The following MASP2 variants were observed in gnomAD, a reference collection of about 807,000 sequenced individuals.
The protein encoded by MASP2 is MBL associated serine protease 2, also known as mannan-binding lectin serine protease 2.
Under a neutral mutation model 57.1 loss-of-function variants are expected in MASP2, and 49 were observed. The ratio of observed to expected loss-of-function variants is 0.86; its 90% CI spans 0.68 to 1.09. MASP2 has a LOEUF of 1.09. Among genes scored for constraint, MASP2 ranks in the 50% least tolerant of loss-of-function variants. The pLI is 0.00. For synonymous variants in MASP2, 379 were observed against 340.8 expected, an observed-to-expected ratio of 1.11 and a Z score of -1.24; for missense variants, 900 against 874.8, an observed-to-expected ratio of 1.03 and a Z score of -0.36.
chr1:11,045,123 C>G, intron 4 of MASP2: 1 of 748,074 alleles, frequency 1.3e-6, no homozygotes, highest in South Asian at 1.6e-5. Context: ...CTAGATACCC[C>G]CGACTCTCCC....
At position 11,027,654 on chromosome 1, in the gene MASP2, G is replaced by T; in HGVS notation, c.1298-6C>A. The T allele has an allele frequency of 6.3e-7, 1 of 1,589,914 alleles. No homozygotes were observed. Among genetic ancestry groups the T allele is most frequent in the African/African-American group, 1.4e-5 (1 of 73,922 alleles). ...GCGGGCTGATAGTCCACAAACTGGA[G>T]AAAGAAGCAGATAGGTAGAGAGCCT... On this transcript the variant is annotated splice_region_variant and splice_polypyrimidine_tract_variant and intron_variant, in intron 10 of 10. Transcript: ENST00000400897.
intron 8 of MASP2, 89 bp downstream of exon 8, chr1:11,034,739 G>T: frequency 1.6e-5 from 13 of 800,494 alleles, no homozygotes; most frequent in South Asian, 4.3e-5. Flanking sequence ...AAAGTAAACA[G>T]AAAACCAGAG....
intron 8 of MASP2, 55 bp from the exon 9 acceptor site, chr1:11,030,937 C>A: frequency 6.3e-7 from 1 of 1,579,390 alleles, no homozygotes; most frequent in Non-Finnish European, 8.6e-7. Context: ...TGCTAACTTT[C>A]CAAAGGTCTG....
chr1:11,040,880 G>GGGTA (rs200315085), intron 6 of MASP2, among the ~76,000 whole-genome samples: 2 of 151,404 alleles, frequency 1.3e-5, no homozygotes, highest in African/African-American at 2.4e-5. Flanking sequence ...ATGGATGGAT[G>GGGTA]GGTAGGTAGG....
At chr1:11,035,485 A>C (rs541055813) in intron 7 of MASP2, among the ~76,000 whole-genome samples, 12 of 152,090 alleles carry the variant, frequency 7.9e-5, no homozygotes, top group Admixed American at 4.6e-4. Context: ...CGATATTGCA[A>C]CACTGCACTC....
Position 11,026,675 on chromosome 1 carries a change from G to T in MASP2, c.*210C>A. 2.6e-6 allele frequency: 1 copy of T among 389,062 alleles called. No homozygotes were observed. Among genetic ancestry groups the T allele is most frequent in the East Asian group, 3.8e-5 (1 of 26,298 alleles). The allele number at this position is 389,062 out of a possible 1,614,324, so 24.1% of individuals were successfully genotyped here. A position where few individuals can be genotyped will look rare whatever the true frequency, so the allele number is the denominator to read the frequency against. On this transcript the variant is annotated 3_prime_UTR_variant, in exon 11 of 11. Coordinates refer to ENST00000400897, the MANE Select transcript of MASP2 (RefSeq NM_006610.4). ...GTGGGCAAAGATGACTGTCACTCTC[G>T]TGGTTTATGTCCCCTTGAGTCAATG...
At chr1:11,034,421 G>A (rs762400964) in intron 8 of MASP2, among the ~76,000 whole-genome samples, 2 of 150,990 alleles carry the variant, frequency 1.3e-5, no homozygotes, top group South Asian at 4.2e-4. Context: ...CAAGGATCCG[G>A]GCACAGTGGC....
rs776506794 is a variant in MASP2, at chr1:11,030,205, C to T, written c.1268G>A (p.Gly423Glu). ...EADGFWTSSK[G>E]EKSLPVCEPV... ...CTCACAGACTGGGAGTGATTTTTCT[C>T]CTTTGGAGCTCGTCCAGAATCCATC... The change falls in exon 10 of 11, where the codon GGA becomes GAA. Residue 423 changes from glycine to glutamate, a missense_variant. Coordinates refer to ENST00000400897, the MANE Select transcript of MASP2 (RefSeq NM_006610.4). 1.9e-5 allele frequency: 31 copies of T among 1,613,174 alleles called. No individual in the cohort carries two copies. The highest frequency in any genetic ancestry group is 2.5e-5 in the Non-Finnish European group (29 of 1,179,690).
At position 11,042,665 on chromosome 1, in the gene MASP2, G is replaced by A. The variant is rs2100900650; in HGVS notation, c.889+210C>T. Reference sequence around the variant, plus strand: ...TGAATGGGTGGTTGGAAGAATGAGTGGTGGAAGGATGGCTGGGTGGCTGGC... The same window carrying A: ...TGAATGGGTGGTTGGAAGAATGAGTAGTGGAAGGATGGCTGGGTGGCTGGC... On this transcript the variant is annotated intron_variant, in intron 6 of 10. Transcript: ENST00000400897. 2.6e-5 allele frequency among the ~76,000 whole-genome samples: 4 copies of A among 152,156 alleles called. No homozygotes were observed. In the South Asian group the frequency reaches 8.3e-4, roughly 32 times the overall value.
chr1:11,029,001 CTT>C (rs1177051448), intron 10 of MASP2, among the ~76,000 whole-genome samples: 1 of 129,990 alleles, frequency 7.7e-6, no homozygotes, highest in Admixed American at 7.7e-5. Flanking sequence ...TTCTTTTTCT[CTT>C]TTTTTTTGAG....
intron 10 of MASP2, among the ~76,000 whole-genome samples, chr1:11,028,701 T>G (rs1449547827): frequency 1.1e-3 from 55 of 50,890 alleles, no homozygotes; most frequent in African/African-American, 3.4e-3. Flanking sequence ...TTCTGGGTTT[T>G]TTTTCTTTTT....
At chr1:11,036,571 C>T (rs1369303629) in intron 7 of MASP2, among the ~76,000 whole-genome samples, 2 of 145,006 alleles carry the variant, frequency 1.4e-5, no homozygotes, top group Admixed American at 6.8e-5. Context: ...GTCTGTGGTC[C>T]GAGGAGCTGT....
In MASP2 at chr1:11,047,006, G is replaced by T. The variant is rs866226890; in HGVS notation, c.119C>A (p.Ala40Asp). 1.1e-5 allele frequency: 17 copies of T among 1,553,444 alleles called. No homozygotes were observed. The highest frequency in any genetic ancestry group is 1.5e-5 in the Non-Finnish European group (17 of 1,148,252). ...LASPGFPGEY[A>D]NDQERRWTLT... ...GGTCCAGCGCCGCTCCTGGTCATTG[G>T]CATACTCCCCTGGAAAGCCGGGGGA... Residue 40 changes from alanine to aspartate, a missense_variant, in exon 2 of 11, where the codon GCC (alanine) becomes GAC (aspartate). Transcript: ENST00000400897.
At chr1:11,028,813 A>G (rs1206095395) in intron 10 of MASP2, among the ~76,000 whole-genome samples, 2 of 148,748 alleles carry the variant, frequency 1.3e-5, no homozygotes, top group East Asian at 3.9e-4. Flanking sequence ...TCCCAGGTTC[A>G]TGCCATTCTC....
intron 6 of MASP2, among the ~76,000 whole-genome samples, chr1:11,042,480 A>AG (rs1273994170): frequency 2.7e-5 from 4 of 149,856 alleles, no homozygotes; most frequent in African/African-American, 9.9e-5. Context: ...ATGGCTGAAT[A>AG]GAAGGATGGA....
chr1:11,026,835 C>G lies in MASP2; in HGVS notation c.*50G>C, dbSNP rs1570731191. On this transcript the variant is annotated 3_prime_UTR_variant, in exon 11 of 11. Transcript: ENST00000400897. ...TCTCGAGCCACGTCGCTGCCAAGGT[C>G]TTCACAGGCATTTCTAAAAATGAAG... 4 of 1,437,996 alleles carry G rather than the reference C, an allele frequency of 2.8e-6. No individual in the cohort carries two copies. The East Asian group carries it at 1.0e-4, about 36-fold the overall frequency. The allele number at this position is 1,437,996 out of a possible 1,614,324, so 89.1% of individuals were successfully genotyped here.
chr1:11,028,242 T>C (rs571734586), intron 10 of MASP2, among the ~76,000 whole-genome samples: 2 of 151,842 alleles, frequency 1.3e-5, no homozygotes, highest in Admixed American at 6.6e-5. Context: ...ATTAGGAAAA[T>C]TAACAGGGCA....
At chr1:11,040,801 G>A (rs1048441301) in intron 6 of MASP2, among the ~76,000 whole-genome samples, 1 of 150,646 alleles carries the variant, frequency 6.6e-6, no homozygotes, top group Admixed American at 6.6e-5. Context: ...TGGATGGATA[G>A]AAAGATGGGT....
intron 8 of MASP2, among the ~76,000 whole-genome samples, chr1:11,032,721 C>A (rs1471909193): frequency 2.6e-5 from 4 of 151,960 alleles, no homozygotes; most frequent in Non-Finnish European, 5.9e-5. Context: ...CCAGCCTGGC[C>A]AACATGGTGA....
Sources: gnomAD v4.1 joint callset for allele counts (sites outside exome capture counted in the v4.1 genomes callset) on GRCh38, gnomAD v4.1.1 for gene constraint, MANE v1.5 for transcripts, NCBI Gene and HGNC (gene_info 2026-07-23, HGNC 2026-07-21) for gene names.